The following FYTTD1 variants were observed in gnomAD, a reference collection of about 807,000 sequenced individuals.
FYTTD1 encodes UAP56-interacting factor.
FYTTD1 carries 22 observed loss-of-function variants against 40.9 expected under a neutral mutation model. The ratio of observed to expected loss-of-function variants is 0.54; its 90% confidence interval spans 0.38 to 0.77. The LOEUF is 0.77. Ranked by LOEUF, FYTTD1 falls within the 30% of genes least tolerant of loss-of-function variation. The probability of loss-of-function intolerance (pLI) is 0.00; values close to 1 mark genes in which losing one functional copy is unlikely to be tolerated. For synonymous variants in FYTTD1, 140 were observed against 137.9 expected, an observed-to-expected ratio of 1.01 and a Z score of -0.10; for missense variants, 351 against 392.2, an observed-to-expected ratio of 0.90 and a Z score of 0.89.
chr3:197,762,138 G>A (rs1243044230), intron 2 of FYTTD1, among the ~76,000 whole-genome samples: 1 of 152,096 alleles, frequency 6.6e-6, no homozygotes, highest in Non-Finnish European at 1.5e-5. Context: ...ATCACATTAA[G>A]TGTTAGTATT....
At chr3:197,754,395 A>G (rs757208567) in intron 1 of FYTTD1, among the ~76,000 whole-genome samples, 8 of 152,158 alleles carry the variant, frequency 5.3e-5, no homozygotes, top group African/African-American at 1.7e-4. Flanking sequence ...TTTTGTGTGA[A>G]TATTTGAGTG....
chr3:197,749,606 C>T (rs1480300947), upstream of FYTTD1: 3 of 1,122,296 alleles, frequency 2.7e-6, no homozygotes, highest in African/African-American at 4.8e-5. Flanking sequence ...AGGAGGGACT[C>T]GAAGGACACG....
chr3:197,759,822 C>G (rs1729321401), intron 2 of FYTTD1, among the ~76,000 whole-genome samples: 1 of 151,060 alleles, frequency 6.6e-6, no homozygotes, highest in African/African-American at 2.4e-5. Flanking sequence ...TAGAGTTGTT[C>G]TTCAGTGGTA....
chr3:197,751,475 A>T (rs1328949970), intron 1 of FYTTD1, among the ~76,000 whole-genome samples: 2 of 152,078 alleles, frequency 1.3e-5, no homozygotes, highest in Non-Finnish European at 1.5e-5. Flanking sequence ...GTGAAATCCC[A>T]TGTCTACTAA....
chr3:197,782,038 T>C lies in FYTTD1; in HGVS notation c.*129T>C. 1 of 476,210 alleles carries C rather than the reference T, an allele frequency of 2.1e-6. No individual in the cohort carries two copies. Among genetic ancestry groups the C allele is most frequent in the East Asian group, 3.3e-5 (1 of 30,186 alleles). 29.5% of individuals were successfully genotyped at this position (476,210 alleles called of 1,614,324 possible). Reference sequence around the variant, plus strand: ...GCTAAATAACTCTTATTTTTATTTTTGAAGGTTTTTTTTTTTAAAAAAAAA... The same window carrying C: ...GCTAAATAACTCTTATTTTTATTTTCGAAGGTTTTTTTTTTTAAAAAAAAA... On this transcript the variant is annotated 3_prime_UTR_variant, in exon 9 of 9. Coordinates refer to ENST00000241502, the MANE Select transcript of FYTTD1 (RefSeq NM_032288.7).
intron 1 of FYTTD1, 138 bp downstream of exon 1, chr3:197,750,212 G>A: frequency 1.2e-6 from 1 of 840,964 alleles, no homozygotes; most frequent in Non-Finnish European, 1.7e-6. Context: ...CCGAGCGGAG[G>A]CCCGGAGGAC....
At position 197,787,478 on chromosome 3, in the gene FYTTD1, T is replaced by G. The variant is rs1223727518; in HGVS notation, c.*5569T>G. On this transcript the variant is annotated 3_prime_UTR_variant, in exon 9 of 9. Transcript: ENST00000241502. ...GAAGGGGGAAGGGAGGACATAACCT[T>G]TGCATGATATAGTGAAATGCAGAGC... is the stretch of plus-strand genomic sequence containing the variant. The G allele has an allele frequency of 1.3e-5, 2 of 152,214 alleles. No homozygotes were observed. The highest frequency in any genetic ancestry group is 2.9e-5 in the Non-Finnish European group (2 of 68,058). The allele number at this position is 152,214 out of a possible 1,614,324, so 9.4% of individuals were successfully genotyped here. A position where few individuals can be genotyped will look rare whatever the true frequency, so the allele number is the denominator to read the frequency against.
chr3:197,750,241 GACGC>G, intron 1 of FYTTD1, 167 bp downstream of exon 1: 2 of 842,038 alleles, frequency 2.4e-6, no homozygotes, highest in African/African-American at 3.6e-5. Context: ...GCGCAGGCTC[GACGC>G]CAGGTGCCCG....
At chr3:197,773,293 C>G (rs982377887) in intron 4 of FYTTD1, 110 bp from the exon 5 acceptor site, 29 of 607,866 alleles carry the variant, frequency 4.8e-5, no homozygotes, top group East Asian at 6.0e-5. Flanking sequence ...TTGTTTGTTT[C>G]TTGCACCTCA....
At chr3:197,770,034 G>C in intron 3 of FYTTD1, 98 bp from the exon 4 acceptor site, 1 of 715,076 alleles carries the variant, frequency 1.4e-6, no homozygotes. Context: ...CATTCAAGCA[G>C]TTGTCAATCC....
At position 197,782,146 on chromosome 3, in the gene FYTTD1, C is replaced by G. The variant is rs1730045853; in HGVS notation, c.*237C>G. 1 of 305,172 alleles carries G rather than the reference C, an allele frequency of 3.3e-6. No individual in the cohort carries two copies. The highest frequency in any genetic ancestry group is 5.0e-5 in the Admixed American group (1 of 19,986). 18.9% of individuals were successfully genotyped at this position (305,172 alleles called of 1,614,324 possible). On this transcript the variant is annotated 3_prime_UTR_variant, in exon 9 of 9. Coordinates refer to ENST00000241502, the MANE Select transcript of FYTTD1 (RefSeq NM_032288.7). Reference sequence around the variant, plus strand: ...GATTTCATGGTTGGCTCAGACAGAACAATCATCTGTTTGACTTCTTTGGTT... The same window carrying G: ...GATTTCATGGTTGGCTCAGACAGAAGAATCATCTGTTTGACTTCTTTGGTT...
At chr3:197,752,095 C>T (rs1243770537) in intron 1 of FYTTD1, among the ~76,000 whole-genome samples, 3 of 152,174 alleles carry the variant, frequency 2.0e-5, no homozygotes, top group Admixed American at 6.5e-5. Context: ...AGGCTGGTCT[C>T]GAACTCCTGA....
At chr3:197,766,837 G>A (rs994753562) in intron 2 of FYTTD1, among the ~76,000 whole-genome samples, 1 of 152,016 alleles carries the variant, frequency 6.6e-6, no homozygotes, top group Non-Finnish European at 1.5e-5. Context: ...ATAAAATTGA[G>A]GCACTACTAT....
chr3:197,780,601 G>A (rs1205420657), intron 8 of FYTTD1, among the ~76,000 whole-genome samples: 1 of 151,656 alleles, frequency 6.6e-6, no homozygotes, highest in Non-Finnish European at 1.5e-5. Flanking sequence ...GGAGTGCAGT[G>A]GCATGATCTT....
chr3:197,777,591 A>G (rs529524213), intron 7 of FYTTD1, among the ~76,000 whole-genome samples: 7 of 152,288 alleles, frequency 4.6e-5, no homozygotes, highest in African/African-American at 1.7e-4. Flanking sequence ...TATACATGCT[A>G]CTTCTCCTAA....
At chr3:197,750,173 C>T (rs896085469) in intron 1 of FYTTD1, 99 bp downstream of exon 1, 121 of 988,444 alleles carry the variant, frequency 1.2e-4, no homozygotes, top group Non-Finnish European at 1.6e-4. Flanking sequence ...CAGCAGTTGC[C>T]GGCGGAGTTT....
Position 197,750,406 on chromosome 3 carries a change from C to G in FYTTD1, c.103+332C>G, listed in dbSNP as rs984476709. On this transcript the variant is annotated intron_variant, in intron 1 of 8. Coordinates refer to ENST00000241502, the MANE Select transcript of FYTTD1 (RefSeq NM_032288.7). Reference sequence around the variant, plus strand: ...GGAGGGGCTACGGCTCGCCGCTCGCCGGCTCTTTGTGAGGAAAGATCTGCC... The same window carrying G: ...GGAGGGGCTACGGCTCGCCGCTCGCGGGCTCTTTGTGAGGAAAGATCTGCC... 7.6e-6 allele frequency: 8 copies of G among 1,053,342 alleles called. No homozygotes were observed. In the South Asian group the frequency reaches 3.2e-4, roughly 41 times the overall value. 65.2% of individuals were successfully genotyped at this position (1,053,342 alleles called of 1,614,324 possible). A position where few individuals can be genotyped will look rare whatever the true frequency, so the allele number is the denominator to read the frequency against.
In FYTTD1 at chr3:197,785,480, A is replaced by G. The variant is rs1187311154; in HGVS notation, c.*3571A>G. 6.6e-6 allele frequency: 1 copy of G among 152,230 alleles called. No individual in the cohort carries two copies. Among genetic ancestry groups the G allele is most frequent in the African/African-American group, 2.4e-5 (1 of 41,468 alleles). 9.4% of individuals were successfully genotyped at this position (152,230 alleles called of 1,614,324 possible). ...TACTGTGTCTGAGGAAACAGGCCTC[A>G]TTGCTCAGCAGTGAGTTTTTATTAG... On this transcript the variant is annotated 3_prime_UTR_variant, in exon 9 of 9. Coordinates refer to ENST00000241502, the MANE Select transcript of FYTTD1 (RefSeq NM_032288.7).
At chr3:197,762,909 C>T (rs566054540) in intron 2 of FYTTD1, among the ~76,000 whole-genome samples, 1 of 151,804 alleles carries the variant, frequency 6.6e-6, no homozygotes, top group South Asian at 2.1e-4. Flanking sequence ...GGATACTAGG[C>T]TTAATACCTC....
Sources: gnomAD v4.1 joint callset for allele counts (sites outside exome capture counted in the v4.1 genomes callset) on GRCh38, gnomAD v4.1.1 for gene constraint, MANE v1.5 for transcripts, NCBI Gene and HGNC (gene_info 2026-07-23, HGNC 2026-07-21) for gene names.